ZNF451: variants seen among roughly 807,000 people sequenced by gnomAD.
ZNF451 encodes E3 SUMO-protein ligase ZNF451.
A neutral mutation model predicts 107.1 loss-of-function variants in ZNF451; 80 were observed. The ratio of observed to expected loss-of-function variants is 0.75; its 90% CI spans 0.62 to 0.90. The LOEUF is 0.90. Among genes scored for constraint, ZNF451 ranks in the 40% least tolerant of loss-of-function variants. The pLI, the probability that ZNF451 is intolerant of heterozygous loss-of-function variation, is 0.00. For synonymous variants in ZNF451, 362 were observed against 406.5 expected (o/e 0.89, Z 1.32); for missense variants, 1,107 against 1,236.2 (o/e 0.90, Z 1.57).
At chr6:57,102,087 C>T (rs1315273609) in intron 3 of ZNF451, 1 of 1,506,528 alleles carries the variant, frequency 6.6e-7, no homozygotes, top group South Asian at 1.3e-5. Context: ...GCCATGGGTA[C>T]AAGAATTAAT....
chr6:57,152,397 C>G (rs1252075204), intron 12 of ZNF451, 46 bp downstream of exon 12: 1 of 1,609,308 alleles, frequency 6.2e-7, no homozygotes, highest in Non-Finnish European at 8.5e-7. Flanking sequence ...CTCAGACCCA[C>G]TTGCATTTTT....
chr6:57,159,019 T>C, intron 13 of ZNF451: 1 of 985,472 alleles, frequency 1.0e-6, no homozygotes, highest in Non-Finnish European at 1.2e-6. Context: ...AAAATAATTG[T>C]TGAACTTATT....
At chr6:57,115,887 T>C (rs1193790472) in intron 3 of ZNF451, among the ~76,000 whole-genome samples, 1 of 152,152 alleles carries the variant, frequency 6.6e-6, no homozygotes, top group Non-Finnish European at 1.5e-5. Context: ...AGGGTGACCA[T>C]AGGAAATACT....
chr6:57,160,805 T>G, intron 13 of ZNF451: 1 of 279,352 alleles, frequency 3.6e-6, no homozygotes, highest in East Asian at 6.0e-5. Flanking sequence ...AGACATCAGG[T>G]AAGTAAGTTT....
chr6:57,141,537 A>T, intron 8 of ZNF451, 82 bp downstream of exon 8: 1 of 1,250,806 alleles, frequency 8.0e-7, no homozygotes, highest in Non-Finnish European at 1.1e-6. Context: ...CATTCTTGAG[A>T]TTACATATCC....
At chr6:57,124,686 CA>C (rs753861013) in intron 3 of ZNF451, 47 bp from the exon 4 acceptor site, 4 of 1,375,518 alleles carry the variant, frequency 2.9e-6, no homozygotes, top group Non-Finnish European at 1.0e-6. Context: ...GTATATTATC[CA>C]AATGCTAATT....
intron 12 of ZNF451, among the ~76,000 whole-genome samples, chr6:57,153,632 C>T (rs536026516): frequency 2.0e-5 from 3 of 152,066 alleles, no homozygotes; most frequent in Admixed American, 6.5e-5. Flanking sequence ...GGGCTGGTCT[C>T]GAACTCCTGA....
intron 2 of ZNF451, among the ~76,000 whole-genome samples, chr6:57,097,275 G>A (rs1829373733): frequency 6.6e-6 from 1 of 152,106 alleles, no homozygotes; most frequent in Non-Finnish European, 1.5e-5. Context: ...CCAAAAGATG[G>A]CAGTTTCTTG....
intron 5 of ZNF451, among the ~76,000 whole-genome samples, chr6:57,130,663 C>G (rs140380102): frequency 1.3e-5 from 2 of 152,198 alleles, no homozygotes; most frequent in Admixed American, 1.3e-4. Context: ...TATCTGGCCT[C>G]CAGGTTGTCA....
At chr6:57,144,064 G>A (rs542400001) in intron 9 of ZNF451, among the ~76,000 whole-genome samples, 2 of 152,122 alleles carry the variant, frequency 1.3e-5, no homozygotes, top group East Asian at 3.9e-4. Flanking sequence ...GGAGCATGGC[G>A]AAAAGGGAGG....
intron 3 of ZNF451, among the ~76,000 whole-genome samples, chr6:57,119,309 C>T (rs969136944): frequency 6.6e-6 from 1 of 152,046 alleles, no homozygotes; most frequent in African/African-American, 2.4e-5. Context: ...GGCAGATCAC[C>T]TTAGGTCAGG....
rs140090111 is a variant in ZNF451 at position 57,148,028 on chromosome 6, T to G, written c.1943T>G (p.Ile648Arg). The change falls in exon 10 of 15, where the codon ATA (isoleucine) becomes AGA (arginine). Residue 648 changes from isoleucine (I) to arginine (R), a missense_variant. Physicochemically the swap from Ile to Arg is moderately conservative, Grantham distance 97 (BLOSUM62 -3). Transcript: ENST00000370706. ...CAHCRKPFHK[I>R]ETLYRHCQDE... ...CACTGCAGAAAGCCTTTTCATAAGATAGAAACATTGTACCGACATTGCCAA... is the reference window on the plus strand; with the variant it reads ...CACTGCAGAAAGCCTTTTCATAAGAGAGAAACATTGTACCGACATTGCCAA... 5.0e-6 allele frequency: 8 copies of G among 1,613,998 alleles called. No individual in the cohort carries two copies. Among genetic ancestry groups the G allele is most frequent in the Non-Finnish European group, 6.8e-6 (8 of 1,179,982 alleles).
At chr6:57,135,583 A>G (rs746510178) in intron 7 of ZNF451, among the ~76,000 whole-genome samples, 73 of 152,290 alleles carry the variant, frequency 4.8e-4, no homozygotes, top group Non-Finnish European at 8.4e-4. Context: ...ATAAGATAAG[A>G]TATCTAAATT....
At chr6:57,141,806 T>C in intron 8 of ZNF451, 142 bp from the exon 9 acceptor site, 1 of 699,894 alleles carries the variant, frequency 1.4e-6, no homozygotes, top group Non-Finnish European at 2.3e-6. Flanking sequence ...GGCTAGAAAG[T>C]GGCTTCCCTT....
chr6:57,161,223 T>A, intron 14 of ZNF451, 71 bp downstream of exon 14: 1 of 804,962 alleles, frequency 1.2e-6, no homozygotes, highest in Non-Finnish European at 1.9e-6. Context: ...TCTCTGTCTC[T>A]CACCCATTCA....
intron 3 of ZNF451, among the ~76,000 whole-genome samples, chr6:57,120,679 C>G (rs1009413751): frequency 6.6e-6 from 1 of 152,146 alleles, no homozygotes; most frequent in South Asian, 2.1e-4. Flanking sequence ...AATTTGTAAT[C>G]TGTATATCTT....
intron 9 of ZNF451, among the ~76,000 whole-genome samples, chr6:57,142,451 A>G (rs1454388777): frequency 2.0e-5 from 3 of 152,222 alleles, no homozygotes; most frequent in African/African-American, 7.2e-5. Context: ...TGAAAGGCCA[A>G]ATTTATCAAG....
chr6:57,111,488 C>T (rs1209338186), intron 3 of ZNF451, among the ~76,000 whole-genome samples: 1 of 151,732 alleles, frequency 6.6e-6, no homozygotes, highest in African/African-American at 2.4e-5. Flanking sequence ...TCAAGCGATT[C>T]TCTTGCCTCA....
intron 3 of ZNF451, among the ~76,000 whole-genome samples, chr6:57,121,944 G>GC (rs967415501): frequency 6.6e-6 from 1 of 152,100 alleles, no homozygotes; most frequent in Non-Finnish European, 1.5e-5. Context: ...AAAGAACAAA[G>GC]CCAGAGACAT....
Sources: gnomAD v4.1 joint callset for allele counts (sites outside exome capture counted in the v4.1 genomes callset) on GRCh38, gnomAD v4.1.1 for gene constraint, MANE v1.5 for transcripts, NCBI Gene and HGNC (gene_info 2026-07-23, HGNC 2026-07-21) for gene names.